Variants in THOC5 observed in about 807,000 individuals in gnomAD.
THOC5 encodes the protein Fms-interacting protein.
In THOC5, 43 loss-of-function variants were observed where a neutral mutation model predicts 92.9. The ratio of observed to expected loss-of-function variants is 0.46; its 90% CI spans 0.36 to 0.60. THOC5 has a LOEUF of 0.60. Among genes scored for constraint, THOC5 ranks in the 20% least tolerant of loss-of-function variants. The pLI, the probability that THOC5 is intolerant of heterozygous loss-of-function variation, is 0.00. For missense variants in THOC5, 659 were observed against 849.4 expected, an observed-to-expected ratio of 0.78 and a Z score of 2.79; for synonymous variants, 296 against 320.1, an observed-to-expected ratio of 0.92 and a Z score of 0.80.
At chr22:29,528,015 A>G in intron 11 of THOC5, 63 bp downstream of exon 11, 2 of 1,534,716 alleles carry the variant, frequency 1.3e-6, no homozygotes, top group South Asian at 2.3e-5. Flanking sequence ...GACCCTCTGC[A>G]CCTGCAGCTG....
At chr22:29,528,944 G>T in intron 9 of THOC5, 1 of 569,008 alleles carries the variant, frequency 1.8e-6, no homozygotes, top group Non-Finnish European at 3.1e-6. Flanking sequence ...TACCTTCCTC[G>T]GGGTCAGTCA....
At chr22:29,531,603 G>C in intron 8 of THOC5, 1 of 1,269,274 alleles carries the variant, frequency 7.9e-7, no homozygotes, top group Non-Finnish European at 9.9e-7. Flanking sequence ...CCAGGCTCAC[G>C]AATGACTCAA....
chr22:29,541,861 C>A (rs462435), intron 5 of THOC5, among the ~76,000 whole-genome samples: 13,716 of 37,594 alleles, frequency 0.36, 4,501 homozygotes, highest in Middle Eastern at 0.5. Context: ...ACTCCATCTC[C>A]AAAAAAAAAA....
At chr22:29,535,922 C>T (rs928981805) in intron 7 of THOC5, 1 of 152,108 alleles carries the variant, frequency 6.6e-6, no homozygotes, top group Non-Finnish European at 1.5e-5. Context: ...TGATCCTCCC[C>T]CCTCAGCCAC....
intron 14 of THOC5, 85 bp downstream of exon 14, chr22:29,519,923 C>T (rs1007660876): frequency 1.2e-5 from 13 of 1,128,382 alleles, no homozygotes; most frequent in African/African-American, 9.3e-5. Flanking sequence ...CATGAGCCAC[C>T]GCACCTGGCC....
chr22:29,519,623 C>T (rs1270468034), intron 14 of THOC5, among the ~76,000 whole-genome samples: 2 of 150,444 alleles, frequency 1.3e-5, no homozygotes, highest in African/African-American at 4.9e-5. Context: ...ACTCCAAAGG[C>T]CATGACAGGC....
At chr22:29,541,754 G>T (rs1383433463) in intron 5 of THOC5, among the ~76,000 whole-genome samples, 1 of 146,570 alleles carries the variant, frequency 6.8e-6, no homozygotes, top group African/African-American at 2.5e-5. Context: ...CCAGCTACTC[G>T]GGAGGCTGAG....
chr22:29,531,858 G>A lies in THOC5; in HGVS notation c.820C>T (p.Gln274Ter). 1 of 1,614,194 alleles carries A rather than the reference G, an allele frequency of 6.2e-7. No homozygotes were observed. Among genetic ancestry groups the A allele is most frequent in the Non-Finnish European group, 8.5e-7 (1 of 1,180,032 alleles). The change falls in exon 8 of 20, where the codon CAG becomes TAG. Residue 274 changes from glutamine (Q) to a stop codon, truncating the protein, a stop_gained. Transcript: ENST00000490103. LOFTEE classifies it high-confidence loss of function. ...LPPPLYVLFV[Q>*]ATAYGQACDK... Reference sequence around the variant, plus strand: ...CAGGCCTGCCCATACGCAGTGGCCTGAACAAAGAGGACATAGAGGGGAGGC... The same window carrying A: ...CAGGCCTGCCCATACGCAGTGGCCTAAACAAAGAGGACATAGAGGGGAGGC...
At chr22:29,511,571 C>G (rs1732325834) in intron 18 of THOC5, 1 of 482,232 alleles carries the variant, frequency 2.1e-6, no homozygotes, top group Admixed American at 3.6e-5. Flanking sequence ...AAAATAAGAC[C>G]TAAGTCAGAA....
Position 29,522,692 on chromosome 22 carries a change from A to T in THOC5, c.1176-1593T>A, listed in dbSNP as rs190850899. 1.0e-3 allele frequency among the ~76,000 whole-genome samples: 157 copies of T among 152,320 alleles called. 1 individual carries two copies. Among genetic ancestry groups the T allele is most frequent in the Non-Finnish European group, 1.9e-3 (129 of 68,034 alleles). On this transcript the variant is annotated intron_variant, in intron 12 of 19. Transcript: ENST00000490103. ...CAAATCTTTGTTATAAAATTTTGAT[A>T]AAAAGTAAGGGATTAAAAAAACCTT... is the stretch of plus-strand genomic sequence containing the variant.
intron 8 of THOC5, chr22:29,531,105 T>C (rs761998776): frequency 8.4e-7 from 1 of 1,186,278 alleles, no homozygotes; most frequent in Non-Finnish European, 1.1e-6. Flanking sequence ...GAGGATTTCA[T>C]ATGAGCTGAT....
chr22:29,529,003 G>T, intron 9 of THOC5, 159 bp downstream of exon 9: 1 of 693,072 alleles, frequency 1.4e-6, no homozygotes, highest in East Asian at 2.6e-5. Flanking sequence ...TTGTGACTCC[G>T]GGAAGTGAGC....
chr22:29,522,268 G>A (rs2063457681), intron 12 of THOC5, among the ~76,000 whole-genome samples: 3 of 151,914 alleles, frequency 2.0e-5, no homozygotes, highest in Non-Finnish European at 4.4e-5. Context: ...GCTGAGGCAG[G>A]AGAATGGTGT....
intron 19 of THOC5, among the ~76,000 whole-genome samples, chr22:29,509,940 T>C (rs13057874): frequency 6.6e-6 from 1 of 151,254 alleles, no homozygotes; most frequent in South Asian, 2.1e-4. Flanking sequence ...TAAGGCACTG[T>C]GTAGACTGAC....
intron 11 of THOC5, 128 bp downstream of exon 11, chr22:29,527,950 A>G (rs1341442503): frequency 1.2e-6 from 1 of 809,752 alleles, no homozygotes. Flanking sequence ...ATAAGGAAAA[A>G]CAAAGCAATA....
intron 10 of THOC5, 68 bp from the exon 11 acceptor site, chr22:29,528,245 A>C (rs1014368175): frequency 2.5e-6 from 4 of 1,614,000 alleles, no homozygotes; most frequent in African/African-American, 1.3e-5. Context: ...TCTCCCAACC[A>C]GCCAGGCCTC....
At chr22:29,541,860 CCAAAAAAAAAAAAAAAAAAAAAAA>C (rs2063894954) in intron 5 of THOC5, among the ~76,000 whole-genome samples, 1 of 20,986 alleles carries the variant, frequency 4.8e-5, no homozygotes, top group African/African-American at 1.2e-4. Context: ...GACTCCATCT[CCAAAAAAAAAAAAAAAAAAAAAAA>C]AAAAAAAAAA....
chr22:29,511,204 A>G lies in THOC5; in HGVS notation c.1890T>C (p.Cys630=). ...QLLTNQLQRL[C]VLLDVYLETE... ...TCTCCAGGTAAACATCCAGCAGCAC[A>G]CACAGCCGCTGCAGCTGGTTGGTCA... is the stretch of plus-strand genomic sequence containing the variant. The change falls in exon 19 of 20, where the codon TGT becomes TGC. Residue 630 remains cysteine, a synonymous_variant. Transcript: ENST00000490103. The G allele has an allele frequency of 6.8e-6, 11 of 1,614,218 alleles. No individual in the cohort carries two copies. The highest frequency in any genetic ancestry group is 9.3e-6 in the Non-Finnish European group (11 of 1,180,040).
chr22:29,520,458 C>T (rs1182926562), intron 13 of THOC5, among the ~76,000 whole-genome samples: 3 of 152,062 alleles, frequency 2.0e-5, no homozygotes, highest in Non-Finnish European at 2.9e-5. Flanking sequence ...TATTGTATCA[C>T]GTATTATTAT....
Sources: allele counts gnomAD v4.1 joint callset (sites outside exome capture counted in the v4.1 genomes callset), GRCh38; gene constraint gnomAD v4.1.1; transcripts MANE v1.5; gene names NCBI Gene and HGNC (gene_info 2026-07-23, HGNC 2026-07-21).